The following ESRRB variants were observed in gnomAD, a reference collection of about 807,000 sequenced individuals.
ESRRB encodes steroid hormone receptor ERR2.
Under a neutral mutation model 46.0 loss-of-function variants are expected in ESRRB, and 16 were observed. The ratio of observed to expected loss-of-function variants is 0.35; its 90% CI spans 0.24 to 0.53. The LOEUF is 0.53. Ranked by LOEUF, ESRRB falls within the 20% of genes least tolerant of loss-of-function variation. The pLI, the probability that ESRRB is intolerant of heterozygous loss-of-function variation, is 0.93. For synonymous variants in ESRRB, 246 were observed against 259.6 expected, an observed-to-expected ratio of 0.95 and a Z score of 0.50; for missense variants, 488 against 607.4, an observed-to-expected ratio of 0.80 and a Z score of 2.07.
intron 1 of ESRRB, among the ~76,000 whole-genome samples, chr14:76,338,223 A>G (rs1369190814): frequency 1.3e-5 from 2 of 152,212 alleles, no homozygotes; most frequent in South Asian, 2.1e-4. Context: ...AATTACTTCT[A>G]TTTATTAGCT....
chr14:76,487,556 T>C (rs1274806345), intron 5 of ESRRB, among the ~76,000 whole-genome samples: 1 of 152,196 alleles, frequency 6.6e-6, no homozygotes, highest in African/African-American at 2.4e-5. Context: ...AATACCCTTT[T>C]ACATTTATCT....
chr14:76,320,760 T>C (rs74472692), intron 1 of ESRRB, among the ~76,000 whole-genome samples: 8,431 of 152,178 alleles, frequency 0.055, 317 homozygotes, highest in Middle Eastern at 0.14. Context: ...GGTTGGTGCC[T>C]TCATGGTGTG....
intron 1 of ESRRB, among the ~76,000 whole-genome samples, chr14:76,340,048 G>A (rs1884173963): frequency 6.6e-6 from 1 of 152,094 alleles, no homozygotes; most frequent in Non-Finnish European, 1.5e-5. Flanking sequence ...TCTTTATCAA[G>A]CATGCCACAT....
intron 1 of ESRRB, among the ~76,000 whole-genome samples, chr14:76,397,942 G>A (rs1885767025): frequency 6.6e-6 from 1 of 152,230 alleles, no homozygotes; most frequent in South Asian, 2.1e-4. Context: ...TGCACTATCT[G>A]TTGCACACTT....
intron 1 of ESRRB, among the ~76,000 whole-genome samples, chr14:76,313,138 G>A (rs1203100726): frequency 2.6e-5 from 4 of 152,110 alleles, no homozygotes; most frequent in African/African-American, 4.8e-5. Context: ...TTGTCTGACC[G>A]TGTGATAGAG....
At chr14:76,450,043 G>A (rs1888322322) in intron 2 of ESRRB, among the ~76,000 whole-genome samples, 2 of 152,084 alleles carry the variant, frequency 1.3e-5, no homozygotes, top group Non-Finnish European at 1.5e-5. Flanking sequence ...TAGGGGGAAA[G>A]CTGACAATAA....
intron 1 of ESRRB, among the ~76,000 whole-genome samples, chr14:76,335,681 C>T (rs11622335): frequency 0.33 from 49,978 of 151,956 alleles, 8,974 homozygotes; most frequent in Middle Eastern, 0.45. Context: ...TCTAAGTTGG[C>T]GAATTCTCTG....
Position 76,500,944 on chromosome 14 carries a change from T to C in ESRRB, c.*2486T>C. 1.6e-6 allele frequency: 1 copy of C among 612,298 alleles called. No individual in the cohort carries two copies. Among genetic ancestry groups the C allele is most frequent in the South Asian group, 1.9e-5 (1 of 52,564 alleles). 37.9% of individuals were successfully genotyped at this position (612,298 alleles called of 1,614,324 possible). ...GAACTCCATCCAATGGGAAAGTTCC[T>C]GGTACTGAAGGGGTCCATTGGACAC... is the stretch of plus-strand genomic sequence containing the variant. On this transcript the variant is annotated 3_prime_UTR_variant, in exon 7 of 7. Transcript: ENST00000644823.
chr14:76,441,742 AATC>A (rs1323945996), intron 2 of ESRRB, among the ~76,000 whole-genome samples: 2 of 152,202 alleles, frequency 1.3e-5, no homozygotes, highest in African/African-American at 4.8e-5. Context: ...GGATAGACAA[AATC>A]TCTACTCATG....
intron 3 of ESRRB, among the ~76,000 whole-genome samples, chr14:76,463,604 G>T (rs1418259987): frequency 1.3e-5 from 2 of 151,460 alleles, no homozygotes; most frequent in Non-Finnish European, 2.9e-5. Context: ...CCGCCACCTC[G>T]CCCGGCTAAT....
chr14:76,479,235 AC>A (rs1426417838), intron 3 of ESRRB, among the ~76,000 whole-genome samples: 1 of 107,098 alleles, frequency 9.3e-6, no homozygotes, highest in East Asian at 3.3e-4. Context: ...GTGTGTGTGT[AC>A]GTGTGCATGC....
At chr14:76,477,626 G>A (rs1371915515) in intron 3 of ESRRB, among the ~76,000 whole-genome samples, 2 of 152,240 alleles carry the variant, frequency 1.3e-5, no homozygotes, top group Non-Finnish European at 2.9e-5. Context: ...CCCATGGGCT[G>A]CAGTGATTGT....
intron 1 of ESRRB, among the ~76,000 whole-genome samples, chr14:76,322,405 C>T (rs192948938): frequency 5.9e-5 from 9 of 152,292 alleles, no homozygotes; most frequent in Non-Finnish European, 1.2e-4. Flanking sequence ...GCTGCGTCGC[C>T]AGGAGCTCTT....
intron 3 of ESRRB, among the ~76,000 whole-genome samples, chr14:76,472,779 C>G (rs1007690518): frequency 7.2e-5 from 11 of 152,228 alleles, no homozygotes; most frequent in African/African-American, 2.4e-4. Flanking sequence ...TCTCCTCCTC[C>G]TGGAGATGGG....
chr14:76,319,125 G>A (rs1883837597), intron 1 of ESRRB, among the ~76,000 whole-genome samples: 1 of 152,202 alleles, frequency 6.6e-6, no homozygotes, highest in African/African-American at 2.4e-5. Context: ...CAGTCCAGAT[G>A]TGAAGGTGGG....
chr14:76,380,288 T>G (rs891872080), intron 1 of ESRRB, among the ~76,000 whole-genome samples: 1 of 152,098 alleles, frequency 6.6e-6, no homozygotes, highest in Non-Finnish European at 1.5e-5. Flanking sequence ...TGAGGGAGCA[T>G]GTACATTGGG....
intron 1 of ESRRB, among the ~76,000 whole-genome samples, chr14:76,320,411 G>T (rs1310569228): frequency 1.3e-5 from 2 of 152,178 alleles, no homozygotes; most frequent in Non-Finnish European, 2.9e-5. Flanking sequence ...TAGACCAGAT[G>T]ACCTCCAAGG....
At chr14:76,314,932 G>A (rs1883780511) in intron 1 of ESRRB, among the ~76,000 whole-genome samples, 1 of 152,090 alleles carries the variant, frequency 6.6e-6, no homozygotes, top group South Asian at 2.1e-4. Context: ...GATTCTGCAT[G>A]CTCTGTGAAC....
At chr14:76,337,114 G>A (rs1232503357) in intron 1 of ESRRB, among the ~76,000 whole-genome samples, 1 of 152,112 alleles carries the variant, frequency 6.6e-6, no homozygotes, top group Non-Finnish European at 1.5e-5. Flanking sequence ...CAGGCCAGTG[G>A]CTGGCGTGGC....
Sources: gnomAD v4.1 joint callset for allele counts (sites outside exome capture counted in the v4.1 genomes callset) on GRCh38, gnomAD v4.1.1 for gene constraint, MANE v1.5 for transcripts, NCBI Gene and HGNC (gene_info 2026-07-23, HGNC 2026-07-21) for gene names.